ADAM32: variants seen among roughly 807,000 people sequenced by gnomAD.
ADAM32 encodes the protein disintegrin and metalloproteinase domain-containing protein 32.
In ADAM32, 89 loss-of-function variants were observed where a neutral mutation model predicts 114.9. The ratio of observed to expected loss-of-function variants is 0.77; its 90% CI spans 0.65 to 0.92. The LOEUF is 0.92. Among genes scored for constraint, ADAM32 ranks in the 40% least tolerant of loss-of-function variants. The pLI is 0.00. For missense variants in ADAM32, 870 were observed against 932.8 expected (o/e 0.93, Z 0.88); for synonymous variants, 285 against 307.5 (o/e 0.93, Z 0.77).
intron 3 of ADAM32, among the ~76,000 whole-genome samples, chr8:39,138,172 T>C (rs1792824641): frequency 6.6e-6 from 1 of 151,904 alleles, no homozygotes. Flanking sequence ...TGTATGTTTT[T>C]TTAGTTCTTT....
chr8:39,249,621 C>A (rs747947498), intron 17 of ADAM32, among the ~76,000 whole-genome samples: 11 of 152,028 alleles, frequency 7.2e-5, no homozygotes, highest in African/African-American at 9.7e-5. Context: ...TAATAGTGAA[C>A]CCATCTCAGC....
At chr8:39,277,888 C>T (rs6989819) in intron 22 of ADAM32, among the ~76,000 whole-genome samples, 19,150 of 152,190 alleles carry the variant, frequency 0.13, 4,054 homozygotes, top group African/African-American at 0.44. Context: ...CTCAGTAGGC[C>T]CTCTGCCTTT....
chr8:39,245,371 G>A (rs1454795041), intron 16 of ADAM32, among the ~76,000 whole-genome samples: 1 of 152,044 alleles, frequency 6.6e-6, no homozygotes, highest in Admixed American at 6.6e-5. Flanking sequence ...CTAGGATGAT[G>A]GCTGCACCAA....
chr8:39,219,741 G>A (rs1287536786), intron 12 of ADAM32, among the ~76,000 whole-genome samples: 2 of 152,166 alleles, frequency 1.3e-5, no homozygotes, highest in Non-Finnish European at 2.9e-5. Flanking sequence ...CCATGTAATT[G>A]TGTGGTTTTT....
intron 1 of ADAM32, among the ~76,000 whole-genome samples, chr8:39,109,106 A>G (rs1840047330): frequency 6.6e-6 from 1 of 152,248 alleles, no homozygotes; most frequent in South Asian, 2.1e-4. Context: ...AGTGGTTGTC[A>G]AAGTTTTTGG....
At chr8:39,183,906 C>A (rs1279384412) in intron 10 of ADAM32, among the ~76,000 whole-genome samples, 3 of 152,238 alleles carry the variant, frequency 2.0e-5, no homozygotes, top group Non-Finnish European at 4.4e-5. Context: ...TTCAGAATCA[C>A]TGCAGACAGG....
At chr8:39,275,394 T>C (rs933011099) in intron 21 of ADAM32, among the ~76,000 whole-genome samples, 1 of 152,220 alleles carries the variant, frequency 6.6e-6, no homozygotes, top group African/African-American at 2.4e-5. Context: ...GCACTATTTC[T>C]CTGTGTGTGG....
intron 10 of ADAM32, among the ~76,000 whole-genome samples, chr8:39,180,099 G>C (rs373803888): frequency 6.6e-6 from 1 of 152,324 alleles, no homozygotes; most frequent in East Asian, 1.9e-4. Context: ...CCCTCAGCTT[G>C]CAGGGAGGTG....
chr8:39,278,397 CA>C (rs1228830094), intron 22 of ADAM32, among the ~76,000 whole-genome samples: 2 of 152,148 alleles, frequency 1.3e-5, no homozygotes, highest in African/African-American at 4.8e-5. Flanking sequence ...GCCAGAGACC[CA>C]CCCTTTTCTG....
chr8:39,254,061 CAA>C, intron 17 of ADAM32, among the ~76,000 whole-genome samples: 1 of 151,472 alleles, frequency 6.6e-6, no homozygotes, highest in Non-Finnish European at 1.5e-5. Context: ...GAAAATAGCT[CAA>C]AGATAGACTC....
intron 11 of ADAM32, among the ~76,000 whole-genome samples, chr8:39,193,426 C>G (rs182439034): frequency 6.6e-6 from 1 of 152,286 alleles, no homozygotes; most frequent in Admixed American, 6.5e-5. Context: ...TCTTAGGTTA[C>G]TTGAATTGGG....
chr8:39,204,986 A>T (rs1807719909), intron 11 of ADAM32, among the ~76,000 whole-genome samples: 1 of 152,108 alleles, frequency 6.6e-6, no homozygotes, highest in Admixed American at 6.5e-5. Context: ...ATTCCTCTGG[A>T]AGTTTTGTCT....
At chr8:39,202,266 T>C (rs1203890471) in intron 11 of ADAM32, among the ~76,000 whole-genome samples, 1 of 152,164 alleles carries the variant, frequency 6.6e-6, no homozygotes, top group Non-Finnish European at 1.5e-5. Context: ...CTGGACTTTT[T>C]TTGGTGGGTA....
intron 19 of ADAM32, among the ~76,000 whole-genome samples, chr8:39,259,275 C>T (rs1024760811): frequency 3.9e-5 from 6 of 152,022 alleles, no homozygotes; most frequent in Middle Eastern, 3.4e-3. Context: ...TCTTGGCTCA[C>T]TGCAACCTTA....
intron 2 of ADAM32, chr8:39,131,896 T>G (rs1235084969): frequency 1.0e-5 from 2 of 195,310 alleles, no homozygotes; most frequent in Non-Finnish European, 2.2e-5. Context: ...GGAGGGTTTT[T>G]GTTTTTTATT....
intron 21 of ADAM32, 54 bp downstream of exon 21, chr8:39,274,404 T>G (rs1267783239): frequency 6.5e-7 from 1 of 1,547,566 alleles, no homozygotes; most frequent in African/African-American, 1.4e-5. Context: ...AAGAATTTAT[T>G]GATAATTCAC....
intron 19 of ADAM32, among the ~76,000 whole-genome samples, chr8:39,260,874 G>A (rs1040457804): frequency 6.6e-6 from 1 of 151,746 alleles, no homozygotes; most frequent in Admixed American, 6.6e-5. Flanking sequence ...AAACCATCTG[G>A]TTCTGTTTTT....
chr8:39,118,480 A>T (rs184991179), intron 2 of ADAM32, among the ~76,000 whole-genome samples: 72 of 152,286 alleles, frequency 4.7e-4, no homozygotes, highest in Admixed American at 3.3e-3. Flanking sequence ...AAAATGTCTA[A>T]GACAATTTCT....
chr8:39,120,114 GT>G (rs1840531314), intron 2 of ADAM32, among the ~76,000 whole-genome samples: 1 of 152,204 alleles, frequency 6.6e-6, no homozygotes, highest in South Asian at 2.1e-4. Context: ...CTCCAGAACT[GT>G]GAGAAAATAC....
Sources: allele counts gnomAD v4.1 joint callset (sites outside exome capture counted in the v4.1 genomes callset), GRCh38; gene constraint gnomAD v4.1.1; transcripts MANE v1.5; gene names NCBI Gene and HGNC (gene_info 2026-07-23, HGNC 2026-07-21).